Variants in JAKMIP3 observed in about 807,000 individuals in gnomAD.
The protein encoded by JAKMIP3 is Janus kinase and microtubule interacting protein 3.
JAKMIP3 carries 58 observed loss-of-function variants against 118.5 expected under a neutral mutation model. The ratio of observed to expected loss-of-function variants is 0.49; its 90% confidence interval spans 0.40 to 0.61. JAKMIP3 has a LOEUF of 0.61. Ranked by LOEUF, JAKMIP3 falls within the 20% of genes least tolerant of loss-of-function variation. JAKMIP3 has a pLI of 0.00. For missense variants in JAKMIP3, 950 were observed against 1,109.0 expected, an observed-to-expected ratio of 0.86 and a Z score of 2.04; for synonymous variants, 486 against 451.2, an observed-to-expected ratio of 1.08 and a Z score of -0.98.
rs2048043035 is a variant in JAKMIP3, at chr10:132,118,355, G to A, written c.633+781G>A. Among the ~76,000 whole-genome samples the A allele has an allele frequency of 6.6e-6, 1 of 152,232 alleles. No homozygotes were observed. Among genetic ancestry groups the A allele is most frequent in the South Asian group, 2.1e-4 (1 of 4,832 alleles). On this transcript the variant is annotated intron_variant, in intron 3 of 23. Coordinates refer to ENST00000684848, the MANE Select transcript of JAKMIP3 (RefSeq NM_001323087.2). This position sits in a 1 kb window ranked among gnomAD's most constrained non-coding sequence, Gnocchi z 4.8. ...CACCCGATGCCCCTTGTCCTTTGGAGAGGAGACTGTCCTGTGATTTTGGGG... is the reference window on the plus strand; with the variant it reads ...CACCCGATGCCCCTTGTCCTTTGGAAAGGAGACTGTCCTGTGATTTTGGGG...
chr10:132,135,255 G>C lies in JAKMIP3; in HGVS notation c.969+95G>C, dbSNP rs1393780320. On this transcript the variant is annotated intron_variant, in intron 5 of 23. Transcript: ENST00000684848. ...CACTTTCAAAATTCCTTGCGTAAAG[G>C]AGTGGTGGTTGCAAGGACCGGCCTT... 3.1e-6 allele frequency: 4 copies of C among 1,303,404 alleles called. No individual in the cohort carries two copies. In the East Asian group the frequency reaches 7.5e-5, roughly 24 times the overall value. 80.7% of individuals were successfully genotyped at this position (1,303,404 alleles called of 1,614,324 possible).
At chr10:132,078,624 G>GGGGT (rs1554920995) in intron 1 of JAKMIP3, among the ~76,000 whole-genome samples, 94 of 112,730 alleles carry the variant, frequency 8.3e-4, no homozygotes, top group African/African-American at 3.4e-3. Flanking sequence ...GGGGGCGGGG[G>GGGGT]GGGGGGGGGG....
intron 1 of JAKMIP3, among the ~76,000 whole-genome samples, chr10:132,054,030 ACT>A (rs1366822642): frequency 3.0e-5 from 3 of 98,748 alleles, no homozygotes; most frequent in Admixed American, 1.2e-4. Context: ...ACAGAGTGAG[ACT>A]CTGTCTCAAA....
At chr10:132,129,169 C>T in intron 3 of JAKMIP3, among the ~76,000 whole-genome samples, 1 of 152,124 alleles carries the variant, frequency 6.6e-6, no homozygotes, top group East Asian at 1.9e-4. Flanking sequence ...GGTGTGGTTT[C>T]AGGCTTTGTT....
chr10:132,071,582 C>T (rs2039853312), intron 1 of JAKMIP3, among the ~76,000 whole-genome samples: 2 of 152,072 alleles, frequency 1.3e-5, no homozygotes, highest in African/African-American at 4.8e-5. Flanking sequence ...TTGTGAATAT[C>T]CCTGTTTCTA....
intron 1 of JAKMIP3, among the ~76,000 whole-genome samples, chr10:132,072,915 C>T (rs1347906975): frequency 1.3e-5 from 2 of 152,202 alleles, no homozygotes; most frequent in African/African-American, 4.8e-5. Flanking sequence ...TCCCACCCTT[C>T]CACCTTTTAT....
chr10:132,141,327 G>T (rs10870265), intron 10 of JAKMIP3, among the ~76,000 whole-genome samples: 1 of 151,988 alleles, frequency 6.6e-6, no homozygotes, highest in African/African-American at 2.4e-5. Context: ...ACTCCTAGAC[G>T]TGGCCAACCC....
chr10:132,076,434 G>A (rs1176739662), intron 1 of JAKMIP3, among the ~76,000 whole-genome samples: 4 of 152,264 alleles, frequency 2.6e-5, no homozygotes, highest in Non-Finnish European at 5.9e-5. Flanking sequence ...GGTCATTTCC[G>A]CTTTTTGGCA....
intron 3 of JAKMIP3, among the ~76,000 whole-genome samples, chr10:132,121,982 TTCTGCCTC>T (rs1426752542): frequency 6.6e-6 from 1 of 152,188 alleles, no homozygotes; most frequent in African/African-American, 2.4e-5. Context: ...TGATTCAAGG[TTCTGCCTC>T]CCTAACTCTG....
chr10:132,142,863 C>T (rs1029706356), intron 11 of JAKMIP3, among the ~76,000 whole-genome samples: 7 of 152,198 alleles, frequency 4.6e-5, no homozygotes, highest in African/African-American at 7.2e-5. Context: ...AACCACCCTG[C>T]AGGGCCAGAG....
chr10:132,104,379 C>T (rs1296533474), intron 1 of JAKMIP3, among the ~76,000 whole-genome samples: 1 of 152,198 alleles, frequency 6.6e-6, no homozygotes, highest in East Asian at 1.9e-4. Flanking sequence ...GTGCCCACTC[C>T]CTCACTCTCT....
chr10:132,061,689 C>T (rs546950007), upstream of JAKMIP3, among the ~76,000 whole-genome samples: 3 of 152,248 alleles, frequency 2.0e-5, no homozygotes, highest in Non-Finnish European at 4.4e-5. Context: ...ACGGGGCTCT[C>T]GACGAGGAAG....
chr10:132,114,856 A>G (rs116340188), intron 2 of JAKMIP3, among the ~76,000 whole-genome samples: 2 of 152,152 alleles, frequency 1.3e-5, no homozygotes, highest in African/African-American at 4.8e-5. Flanking sequence ...TTTTTTTGAT[A>G]CCATTATAAA....
intron 3 of JAKMIP3, among the ~76,000 whole-genome samples, chr10:132,130,995 G>A (rs1276523710): frequency 6.6e-6 from 1 of 151,800 alleles, no homozygotes; most frequent in African/African-American, 2.4e-5. Context: ...CTTGGGGGCA[G>A]GCAAGTCGGG....
At chr10:132,177,408 C>T (rs2060241722) in intron 23 of JAKMIP3, among the ~76,000 whole-genome samples, 1 of 152,030 alleles carries the variant, frequency 6.6e-6, no homozygotes, top group Admixed American at 6.5e-5. Context: ...TGTGCCTGTG[C>T]ATTTGGTCAT....
At chr10:132,157,709 T>A (rs2062948409) in intron 19 of JAKMIP3, among the ~76,000 whole-genome samples, 1 of 152,178 alleles carries the variant, frequency 6.6e-6, no homozygotes, top group Non-Finnish European at 1.5e-5. Context: ...TTCCCACCTC[T>A]CTCATGCTAT....
At position 132,144,841 on chromosome 10, in the gene JAKMIP3, A is replaced by G. The variant is rs1448452104; in HGVS notation, c.1603-266A>G. 7.1e-5 allele frequency: 27 copies of G among 379,960 alleles called. 1 individual carries two copies. Among genetic ancestry groups the G allele is most frequent in the South Asian group, 5.3e-4 (18 of 34,262 alleles). The allele number at this position is 379,960 out of a possible 1,614,324, so 23.5% of individuals were successfully genotyped here. On this transcript the variant is annotated intron_variant, in intron 11 of 23. Transcript: ENST00000684848. ...TTACTCAGGATGGTGAGGTGGGAGG[A>G]TCACTTGAGCTCGGGAGGCGGAGGT...
chr10:132,181,003 A>G (rs893999474), intron 23 of JAKMIP3, among the ~76,000 whole-genome samples: 4 of 151,320 alleles, frequency 2.6e-5, no homozygotes, highest in Non-Finnish European at 4.4e-5. Context: ...TTGTGTGTAC[A>G]TGCATGTGCA....
intron 1 of JAKMIP3, among the ~76,000 whole-genome samples, chr10:132,093,383 C>T (rs2043355554): frequency 1.3e-5 from 2 of 152,210 alleles, no homozygotes; most frequent in African/African-American, 4.8e-5. Flanking sequence ...CAGAGGCAGG[C>T]AGGCAGGCCT....
Sources: gnomAD v4.1 joint callset for allele counts (sites outside exome capture counted in the v4.1 genomes callset) on GRCh38, gnomAD v4.1.1 for gene constraint, Gnocchi (gnomAD v3.1) non-coding constraint, MANE v1.5 for transcripts, NCBI Gene and HGNC (gene_info 2026-07-23, HGNC 2026-07-21) for gene names.